Variants in DLGAP2 observed in about 807,000 individuals in gnomAD.
The protein encoded by DLGAP2 is disks large-associated protein 2.
A neutral mutation model predicts 100.3 loss-of-function variants in DLGAP2; 26 were observed. The observed-to-expected ratio is 0.26, with a 90% CI of 0.19 to 0.36. DLGAP2 has a LOEUF of 0.36. Ranked by LOEUF, DLGAP2 falls within the 10% of genes least tolerant of loss-of-function variation. The probability of loss-of-function intolerance (pLI) is 1.00; values close to 1 mark genes in which losing one functional copy is unlikely to be tolerated. For synonymous variants in DLGAP2, 886 were observed against 630.1 expected, an observed-to-expected ratio of 1.41 and a Z score of -6.08; for missense variants, 1,858 against 1,453.2, an observed-to-expected ratio of 1.28 and a Z score of -4.53.
chr8:1,552,440 T>G (rs1440075124), intron 5 of DLGAP2, among the ~76,000 whole-genome samples: 3 of 152,218 alleles, frequency 2.0e-5, no homozygotes, highest in African/African-American at 7.2e-5. Flanking sequence ...GAAGGATCTA[T>G]GAAGCTGAAT....
At chr8:917,324 C>T (rs893849792) in intron 2 of DLGAP2, among the ~76,000 whole-genome samples, 1 of 151,466 alleles carries the variant, frequency 6.6e-6, no homozygotes, top group Admixed American at 6.6e-5. Context: ...CTAGAACCTC[C>T]ACTTCTCAGG....
chr8:1,623,825 G>C (rs1464523997), intron 6 of DLGAP2, among the ~76,000 whole-genome samples: 3 of 152,268 alleles, frequency 2.0e-5, no homozygotes, highest in African/African-American at 7.2e-5. Flanking sequence ...AGCATTTCTG[G>C]CGTAATCTTG....
chr8:1,201,011 A>T (rs1797860984), intron 2 of DLGAP2, among the ~76,000 whole-genome samples: 1 of 152,098 alleles, frequency 6.6e-6, no homozygotes, highest in African/African-American at 2.4e-5. Flanking sequence ...CCCGGACCCC[A>T]CCGTTAGGGA....
chr8:1,386,664 C>G (rs1796227296), intron 3 of DLGAP2, among the ~76,000 whole-genome samples: 1 of 152,076 alleles, frequency 6.6e-6, no homozygotes, highest in Admixed American at 6.6e-5. Context: ...GAAACCTGGA[C>G]AGAGGAAGGT....
chr8:1,430,005 T>TATATATATATGTATATATATATATATAC (rs1182068157), intron 3 of DLGAP2, among the ~76,000 whole-genome samples: 1 of 76,846 alleles, frequency 1.3e-5, no homozygotes, highest in African/African-American at 4.9e-5. Context: ...TGCATATATA[T>TATATATATATGTATATATATATATATAC]ACATATATAT....
intron 8 of DLGAP2, among the ~76,000 whole-genome samples, chr8:1,641,435 G>A (rs115807200): frequency 1.3e-5 from 2 of 152,274 alleles, no homozygotes; most frequent in African/African-American, 4.8e-5. Flanking sequence ...TGAATGCTGG[G>A]ATGATCTCCC....
rs139435077 is a variant in DLGAP2 at position 921,620 on chromosome 8, C to G, written c.73+13654C>G. Among the ~76,000 whole-genome samples the G allele has an allele frequency of 1.1e-3, 168 of 152,350 alleles. 1 individual carries two copies. Among genetic ancestry groups the G allele is most frequent in the Non-Finnish European group, 1.0e-3 (71 of 68,038 alleles). On this transcript the variant is annotated intron_variant, in intron 2 of 14. Coordinates refer to ENST00000637795, the MANE Select transcript of DLGAP2 (RefSeq NM_001346810.2). ...CCCGTGTCCCTTCTGCCTGGAGGAC[C>G]CTGGAAACTCCTCCGCTGGCAGCGC...
chr8:1,260,792 G>T (rs1338826177), intron 3 of DLGAP2, among the ~76,000 whole-genome samples: 1 of 152,212 alleles, frequency 6.6e-6, no homozygotes, highest in African/African-American at 2.4e-5. Flanking sequence ...ACCTTGGCTG[G>T]CGCAGGCTGA....
At chr8:1,699,629 GA>G (rs766822221) in intron 14 of DLGAP2, among the ~76,000 whole-genome samples, 2 of 151,896 alleles carry the variant, frequency 1.3e-5, no homozygotes, top group African/African-American at 2.4e-5. Flanking sequence ...AAAAAAGAAA[GA>G]AAATGGAAAT....
rs1026055492 is a variant in DLGAP2, at chr8:880,562, C to T, written c.19-27350C>T. ...CAGCCCTTGCCTGCGACATGGCATC[C>T]GTGCTGGGGAGACTTTATAGGTGGG... is the stretch of plus-strand genomic sequence containing the variant. On this transcript the variant is annotated intron_variant, in intron 1 of 14. Transcript: ENST00000637795. 1.3e-4 allele frequency among the ~76,000 whole-genome samples: 17 copies of T among 133,866 alleles called. No homozygotes were observed. The East Asian group carries it at 2.3e-3, about 18-fold the overall frequency. 87.8% of individuals were successfully genotyped at this position (133,866 alleles called of 152,430 possible).
At chr8:974,103 T>C (rs1448448973) in intron 2 of DLGAP2, among the ~76,000 whole-genome samples, 9 of 152,130 alleles carry the variant, frequency 5.9e-5, no homozygotes, top group Non-Finnish European at 1.2e-4. Context: ...AAGAAATATT[T>C]GTAGTAAAAG....
chr8:1,452,490 C>T (rs559770903), intron 3 of DLGAP2, among the ~76,000 whole-genome samples: 56 of 152,302 alleles, frequency 3.7e-4, no homozygotes, highest in Middle Eastern at 3.4e-3. Flanking sequence ...ATCTCAGGGC[C>T]GCTAGGATGC....
At chr8:823,625 G>A (rs1217894690) in intron 1 of DLGAP2, among the ~76,000 whole-genome samples, 1 of 152,086 alleles carries the variant, frequency 6.6e-6, no homozygotes, top group Non-Finnish European at 1.5e-5. Flanking sequence ...CCTGGGACAC[G>A]CACCCCAGCA....
intron 3 of DLGAP2, among the ~76,000 whole-genome samples, chr8:1,286,256 T>C (rs1799919158): frequency 3.3e-5 from 5 of 152,196 alleles, no homozygotes; most frequent in Admixed American, 3.3e-4. Context: ...CTGCCATGAT[T>C]GTAAGTTTCC....
At chr8:1,069,017 G>A (rs1803345869) in intron 2 of DLGAP2, among the ~76,000 whole-genome samples, 1 of 152,176 alleles carries the variant, frequency 6.6e-6, no homozygotes, top group Non-Finnish European at 1.5e-5. Flanking sequence ...TGGAAACCCA[G>A]TCTGGGTAAC....
At chr8:1,425,722 C>G (rs971143744) in intron 3 of DLGAP2, among the ~76,000 whole-genome samples, 1 of 152,086 alleles carries the variant, frequency 6.6e-6, no homozygotes, top group African/African-American at 2.4e-5. Context: ...CCTGTGGGCT[C>G]ATGAACCAAG....
chr8:750,154 T>TA (rs1285007236), intron 1 of DLGAP2, among the ~76,000 whole-genome samples: 1 of 152,238 alleles, frequency 6.6e-6, no homozygotes, highest in Non-Finnish European at 1.5e-5. Flanking sequence ...TAGGGCCGGT[T>TA]AGGCCGGCTG....
chr8:1,467,017 G>T (rs1000629275), intron 3 of DLGAP2, among the ~76,000 whole-genome samples: 2 of 152,182 alleles, frequency 1.3e-5, no homozygotes, highest in East Asian at 3.9e-4. Flanking sequence ...AAGAAAGTGG[G>T]GGGGATGTGG....
intron 4 of DLGAP2, among the ~76,000 whole-genome samples, chr8:1,546,176 C>T (rs571187699): frequency 6.6e-6 from 1 of 152,336 alleles, no homozygotes; most frequent in Non-Finnish European, 1.5e-5. Flanking sequence ...CCGGCCATTA[C>T]AGTGTAGGTG....
Sources: allele counts gnomAD v4.1 joint callset (sites outside exome capture counted in the v4.1 genomes callset), GRCh38; gene constraint gnomAD v4.1.1; transcripts MANE v1.5; gene names NCBI Gene and HGNC (gene_info 2026-07-23, HGNC 2026-07-21).